Variants in ANK1 observed in about 807,000 individuals in gnomAD.
ANK1 encodes ankyrin 1.
In ANK1, 51 loss-of-function variants were observed where a neutral mutation model predicts 210.4. The observed-to-expected ratio is 0.24, with a 90% CI of 0.19 to 0.31. The LOEUF (loss-of-function observed/expected upper bound fraction) is 0.31, where lower values mean the gene tolerates loss of function less well. Among genes scored for constraint, ANK1 ranks in the 10% least tolerant of loss-of-function variants. The pLI is 1.00. For missense variants in ANK1, 2,051 were observed against 2,504.4 expected (o/e 0.82, Z 3.86); for synonymous variants, 967 against 1,025.9 (o/e 0.94, Z 1.10).
chr8:41,758,287 A>C (rs1554601036), intron 1 of ANK1, 150 bp from the exon 2 acceptor site: 1 of 767,514 alleles, frequency 1.3e-6, no homozygotes, highest in African/African-American at 1.7e-5. Context: ...CAGGAGCCTG[A>C]GAGCCCCTGG....
chr8:41,876,382 A>G (rs1816617869), intron 1 of ANK1, among the ~76,000 whole-genome samples: 6 of 152,226 alleles, frequency 3.9e-5, no homozygotes, highest in Non-Finnish European at 4.4e-5. Context: ...GCCCCGGAAC[A>G]GGCCCCACCC....
Position 41,719,782 on chromosome 8 carries a change from G to C in ANK1, c.986C>G (p.Ala329Gly), listed in dbSNP as rs779357098. The change falls in exon 10 of 43, where the codon GCA becomes GGA. Residue 329 changes from alanine to glycine, a missense_variant. Coordinates refer to ENST00000289734, the MANE Select transcript of ANK1 (RefSeq NM_000037.4). Reference protein sequence around the residue: ...DCVRLLLQYDAEIDDITLDHL... With the variant: ...DCVRLLLQYDGEIDDITLDHL... ...GTCCAGGGTGATGTCGTCTATCTCTGCGTCGTATTGCAACAGGAGCCGGAC... is the reference window on the plus strand; with the variant it reads ...GTCCAGGGTGATGTCGTCTATCTCTCCGTCGTATTGCAACAGGAGCCGGAC... 6.2e-7 allele frequency: 1 copy of C among 1,614,220 alleles called. No individual in the cohort carries two copies. Among genetic ancestry groups the C allele is most frequent in the East Asian group, 2.2e-5 (1 of 44,888 alleles).
chr8:41,664,894 G>C, intron 39 of ANK1: 1 of 1,614,162 alleles, frequency 6.2e-7, no homozygotes, highest in Non-Finnish European at 8.5e-7. Context: ...TCCTTGTCCA[G>C]CTCCTGGTGG....
intron 2 of ANK1, among the ~76,000 whole-genome samples, chr8:41,736,845 T>C (rs1047168342): frequency 2.0e-5 from 3 of 152,026 alleles, no homozygotes; most frequent in Non-Finnish European, 2.9e-5. Flanking sequence ...ATATTAGAGG[T>C]CCCTGAACTC....
intron 33 of ANK1, 80 bp from the exon 34 acceptor site, chr8:41,688,669 A>G: frequency 1.5e-6 from 2 of 1,329,664 alleles, no homozygotes; most frequent in Non-Finnish European, 2.1e-6. Context: ...CCTATGCTGC[A>G]GGGGTGTGGA....
At chr8:41,820,793 A>G (rs116186043) in intron 1 of ANK1, among the ~76,000 whole-genome samples, 3,706 of 152,274 alleles carry the variant, frequency 0.024, 157 homozygotes, top group African/African-American at 0.082. Context: ...GAGTCCCACA[A>G]AATATGAGAC....
At chr8:41,860,941 C>T (rs1322826963) in intron 1 of ANK1, among the ~76,000 whole-genome samples, 2 of 152,208 alleles carry the variant, frequency 1.3e-5, no homozygotes, top group Non-Finnish European at 2.9e-5. Flanking sequence ...AACAGAACTG[C>T]TGCTTCCAGA....
intron 1 of ANK1, among the ~76,000 whole-genome samples, chr8:41,839,215 T>C (rs1808387662): frequency 6.6e-6 from 1 of 152,250 alleles, no homozygotes; most frequent in Non-Finnish European, 1.5e-5. Flanking sequence ...TTTTATATAA[T>C]AATGATGGGA....
intron 1 of ANK1, among the ~76,000 whole-genome samples, chr8:41,759,498 C>A (rs1206007831): frequency 1.4e-5 from 2 of 144,194 alleles, no homozygotes; most frequent in Non-Finnish European, 3.1e-5. Flanking sequence ...AAGCAAGACT[C>A]CGTCTCAAAA....
At position 41,696,365 on chromosome 8, in the gene ANK1, C is replaced by T; in HGVS notation, c.2958G>A (p.Leu986=). ...IALGPTGAQF[L]SPVIVEIPHF... ...ACGGGCTGCCCGCGCAAGCTCACCT[C>T]AGGAACTGTGCCCCCGTGGGCCCCA... Residue 986 remains leucine (L), a splice_region_variant and synonymous_variant, in exon 26 of 43, where the codon CTG becomes CTA. Transcript: ENST00000289734. 6.2e-7 allele frequency: 1 copy of T among 1,613,254 alleles called. No homozygotes were observed. Among genetic ancestry groups the T allele is most frequent in the Non-Finnish European group, 8.5e-7 (1 of 1,179,950 alleles).
In ANK1 at chr8:41,694,660, G is replaced by C. The variant is rs778258699; in HGVS notation, c.3259C>G (p.Leu1087Val). The C allele has an allele frequency of 2.5e-6, 4 of 1,614,152 alleles. No individual in the cohort carries two copies. Among genetic ancestry groups the C allele is most frequent in the Admixed American group, 1.7e-5 (1 of 60,026 alleles). The part of the protein sequence containing the change: ...GPEGGSLKSK[L>V]VPLVQATFPE... Reference sequence around the variant, plus strand: ...AACGTTGCCTGTACCAGGGGCACCAGCTTGCTCTTCAGGGAGCCCCCTTCG... The same window carrying C: ...AACGTTGCCTGTACCAGGGGCACCACCTTGCTCTTCAGGGAGCCCCCTTCG... Residue 1087 changes from leucine (L) to valine (V), a missense_variant, in exon 28 of 43, where the codon CTG becomes GTG. Physicochemically the swap from Leu to Val is conservative, Grantham distance 32. This residue lies in a region of ANK1 where 1,413 missense variants were observed against 1,707.4 expected (regional missense o/e 0.83). Coordinates refer to ENST00000289734, the MANE Select transcript of ANK1 (RefSeq NM_000037.4). This position sits in a 1 kb window ranked among gnomAD's most constrained non-coding sequence, Gnocchi z 5.7.
intron 34 of ANK1, 66 bp from the exon 35 acceptor site, chr8:41,688,296 C>G (rs769261364): frequency 1.3e-6 from 2 of 1,541,026 alleles, no homozygotes; most frequent in South Asian, 2.2e-5. Context: ...CCTGAGGACA[C>G]GGCCTGTGAT....
At chr8:41,776,921 CAA>C (rs1452479420) in intron 1 of ANK1, among the ~76,000 whole-genome samples, 2 of 152,212 alleles carry the variant, frequency 1.3e-5, no homozygotes, top group East Asian at 3.8e-4. Context: ...ACCAAGGAAA[CAA>C]GAGCAGGTGT....
intron 39 of ANK1, among the ~76,000 whole-genome samples, chr8:41,666,858 C>G (rs1272657342): frequency 6.6e-6 from 1 of 152,188 alleles, no homozygotes; most frequent in African/African-American, 2.4e-5. Flanking sequence ...TGGTCCCTGA[C>G]ATTGGTCCAC....
At chr8:41,843,823 A>G (rs1349883293) in intron 1 of ANK1, among the ~76,000 whole-genome samples, 1 of 152,206 alleles carries the variant, frequency 6.6e-6, no homozygotes, top group East Asian at 1.9e-4. Flanking sequence ...CAGGAATCAG[A>G]GAGAGACAGG....
chr8:41,656,129 A>G (rs1010919970), intron 42 of ANK1, among the ~76,000 whole-genome samples: 1 of 152,266 alleles, frequency 6.6e-6, no homozygotes, highest in African/African-American at 2.4e-5. Context: ...ATCCCCCAGC[A>G]GATCCTTGTA....
chr8:41,870,133 G>A (rs1305780268), intron 1 of ANK1, among the ~76,000 whole-genome samples: 1 of 152,046 alleles, frequency 6.6e-6, no homozygotes, highest in East Asian at 1.9e-4. Context: ...TACCAACAGA[G>A]GGCCCCACCT....
chr8:41,721,569 A>G (rs537914902), intron 9 of ANK1, among the ~76,000 whole-genome samples: 46 of 151,340 alleles, frequency 3.0e-4, no homozygotes, highest in Middle Eastern at 6.8e-3. Flanking sequence ...AGGCACGAGA[A>G]TCGATTGAAC....
chr8:41,698,071 A>C lies in ANK1; in HGVS notation c.2609T>G (p.Val870Gly). 1.9e-6 allele frequency: 3 copies of C among 1,614,016 alleles called. No homozygotes were observed. The highest frequency in any genetic ancestry group is 2.5e-6 in the Non-Finnish European group (3 of 1,179,996). ...CTCCTGCTCTTCTGACCTGATCACCACTGTCTCAGGCATGGCACAGGGAAT... is the reference window on the plus strand; with the variant it reads ...CTCCTGCTCTTCTGACCTGATCACCCCTGTCTCAGGCATGGCACAGGGAAT... ...PRIPCAMPET[V>G]VIRSEEQEQA... The change falls in exon 24 of 43, where the codon GTG becomes GGG. Residue 870 changes from valine to glycine, a missense_variant. Around this residue, in one of 6 missense-constraint regions of ANK1, gnomAD observed 1,413 missense variants for 1,707.4 expected, o/e 0.83. Coordinates refer to ENST00000289734, the MANE Select transcript of ANK1 (RefSeq NM_000037.4).
Sources: allele counts gnomAD v4.1 joint callset (sites outside exome capture counted in the v4.1 genomes callset), GRCh38; gene constraint gnomAD v4.1.1; regional missense constraint gnomAD v4.1.1; non-coding constraint Gnocchi (gnomAD v3.1); transcripts MANE v1.5; gene names NCBI Gene and HGNC (gene_info 2026-07-23, HGNC 2026-07-21).